The following OSBPL10 variants were observed in gnomAD, a reference collection of about 807,000 sequenced individuals.
OSBPL10 encodes oxysterol binding protein like 10.
In OSBPL10, 49 loss-of-function variants were observed where a neutral mutation model predicts 81.7. The ratio of observed to expected loss-of-function variants is 0.60; its 90% CI spans 0.48 to 0.76. The LOEUF (loss-of-function observed/expected upper bound fraction) is 0.76. OSBPL10 is among the 30% of genes least tolerant of loss of function. OSBPL10 has a pLI of 0.00. For synonymous variants in OSBPL10, 419 were observed against 383.6 expected, an observed-to-expected ratio of 1.09 and a Z score of -1.08; for missense variants, 923 against 987.8, an observed-to-expected ratio of 0.93 and a Z score of 0.88.
intron 10 of OSBPL10, among the ~76,000 whole-genome samples, chr3:31,665,888 C>T (rs1216476144): frequency 2.0e-5 from 3 of 152,054 alleles, no homozygotes; most frequent in Non-Finnish European, 4.4e-5. Context: ...GACAGTGGCC[C>T]CAAGAGTAGA....
At chr3:31,944,316 A>G (rs1351435416) in intron 1 of OSBPL10, among the ~76,000 whole-genome samples, 1 of 151,828 alleles carries the variant, frequency 6.6e-6, no homozygotes, top group African/African-American at 2.4e-5. Flanking sequence ...AAATGTAAAA[A>G]TAAATTAATT....
intron 2 of OSBPL10, among the ~76,000 whole-genome samples, chr3:32,023,114 C>T (rs1356746373): frequency 3.3e-5 from 5 of 152,126 alleles, no homozygotes; most frequent in South Asian, 4.1e-4. Context: ...TCTTGCTTAT[C>T]AAGTTGTTCA....
chr3:31,921,710 C>T (rs572711969), intron 1 of OSBPL10, among the ~76,000 whole-genome samples: 1 of 152,316 alleles, frequency 6.6e-6, no homozygotes, highest in East Asian at 1.9e-4. Flanking sequence ...AGGAGTTTAA[C>T]TCCCTACTCT....
At chr3:31,990,303 TA>T in intron 2 of OSBPL10, 1 of 1,614,128 alleles carries the variant, frequency 6.2e-7, no homozygotes, top group East Asian at 2.2e-5. Flanking sequence ...AAGTCTTCAG[TA>T]ATGCTACAAC....
intron 1 of OSBPL10, among the ~76,000 whole-genome samples, chr3:31,949,640 C>T (rs573677562): frequency 8.1e-6 from 1 of 122,890 alleles, no homozygotes; most frequent in Non-Finnish European, 1.6e-5. Flanking sequence ...TGCACTCCAG[C>T]CTGGGCAACA....
At chr3:32,010,645 T>C (rs947463137) in intron 2 of OSBPL10, among the ~76,000 whole-genome samples, 3 of 152,138 alleles carry the variant, frequency 2.0e-5, no homozygotes, top group African/African-American at 7.2e-5. Context: ...GGGCGAGGCA[T>C]CACTTCACCC....
chr3:31,963,376 C>G (rs190272398), intron 1 of OSBPL10, among the ~76,000 whole-genome samples: 1 of 152,258 alleles, frequency 6.6e-6, no homozygotes, highest in Middle Eastern at 3.4e-3. Flanking sequence ...TTTCCAAGAA[C>G]AAGGACATTT....
chr3:31,815,443 T>C (rs1699813334), intron 4 of OSBPL10, among the ~76,000 whole-genome samples: 2 of 152,228 alleles, frequency 1.3e-5, no homozygotes, highest in African/African-American at 4.8e-5. Flanking sequence ...AAGCAAAATA[T>C]GTTACACCTT....
At chr3:31,892,289 G>C (rs1695915195) in intron 1 of OSBPL10, among the ~76,000 whole-genome samples, 1 of 152,158 alleles carries the variant, frequency 6.6e-6, no homozygotes, top group Non-Finnish European at 1.5e-5. Context: ...TTATCAGATG[G>C]GGCTAAAGAC....
chr3:31,859,279 A>G (rs1016434149), intron 3 of OSBPL10, among the ~76,000 whole-genome samples: 1 of 152,258 alleles, frequency 6.6e-6, no homozygotes, highest in African/African-American at 2.4e-5. Flanking sequence ...GTAAAGAGAC[A>G]AACCATGAAA....
chr3:31,807,509 G>A lies in OSBPL10; in HGVS notation c.729+22531C>T, dbSNP rs559421285. ...GGGCATGGCATGGTGGCTCATGCCTGTAATCCTAGCACTTTGGGAGGCCAA... is the reference window on the plus strand; with the variant it reads ...GGGCATGGCATGGTGGCTCATGCCTATAATCCTAGCACTTTGGGAGGCCAA... On this transcript the variant is annotated intron_variant, in intron 4 of 11. Coordinates refer to ENST00000396556, the MANE Select transcript of OSBPL10 (RefSeq NM_017784.5). Among the ~76,000 whole-genome samples the A allele has an allele frequency of 7.4e-3, 1,092 of 148,224 alleles. 7 individuals carry two copies. Among genetic ancestry groups the A allele is most frequent in the Non-Finnish European group, 1.0e-2 (669 of 66,926 alleles).
chr3:31,672,359 G>GGT (rs1553612171), intron 8 of OSBPL10, among the ~76,000 whole-genome samples: 16 of 96,984 alleles, frequency 1.6e-4, no homozygotes, highest in Non-Finnish European at 2.7e-4. Context: ...AATTTGCGGG[G>GGT]GCGGGGGGGG....
intron 1 of OSBPL10, among the ~76,000 whole-genome samples, chr3:31,954,593 G>A (rs977107757): frequency 2.6e-5 from 4 of 152,156 alleles, no homozygotes; most frequent in Non-Finnish European, 4.4e-5. Context: ...TTGGGGGCAG[G>A]GGGAAGGATG....
Position 31,718,438 on chromosome 3 carries a change from A to C in OSBPL10, c.1095+14819T>G, listed in dbSNP as rs796357298. Among the ~76,000 whole-genome samples, 25 of 152,142 alleles carry C rather than the reference A, an allele frequency of 1.6e-4. 2 individuals carry two copies. The highest frequency in any genetic ancestry group is 5.3e-4 in the African/African-American group (22 of 41,532). On this transcript the variant is annotated intron_variant, in intron 6 of 11. Coordinates refer to ENST00000396556, the MANE Select transcript of OSBPL10 (RefSeq NM_017784.5). The stretch of plus-strand genomic sequence containing the variant: ...CACCATGCCCAGCCCCAGAATTTCC[A>C]TTTCTGTAGCATAAAATAACACCAT...
At chr3:31,792,411 C>T (rs1416981460) in intron 4 of OSBPL10, among the ~76,000 whole-genome samples, 1 of 152,034 alleles carries the variant, frequency 6.6e-6, no homozygotes, top group African/African-American at 2.4e-5. Flanking sequence ...TCTCAAACAC[C>T]CCATTTTAAA....
At chr3:31,921,783 A>G (rs1696923539) in intron 1 of OSBPL10, among the ~76,000 whole-genome samples, 1 of 152,212 alleles carries the variant, frequency 6.6e-6, no homozygotes, top group African/African-American at 2.4e-5. Flanking sequence ...AGGACAGGAG[A>G]GGAGAGAAAC....
At chr3:31,889,421 G>A (rs886153285) in intron 1 of OSBPL10, among the ~76,000 whole-genome samples, 34 of 152,140 alleles carry the variant, frequency 2.2e-4, no homozygotes, top group African/African-American at 7.5e-4. Flanking sequence ...ACAGATGAAC[G>A]GATAAAGAAA....
At chr3:31,723,849 T>C (rs1696730719) in intron 6 of OSBPL10, among the ~76,000 whole-genome samples, 1 of 152,148 alleles carries the variant, frequency 6.6e-6, no homozygotes, top group Non-Finnish European at 1.5e-5. Flanking sequence ...GCGAGCATCA[T>C]CAGGGCCAGA....
At chr3:31,839,551 G>A (rs1183168672) in intron 3 of OSBPL10, among the ~76,000 whole-genome samples, 1 of 151,720 alleles carries the variant, frequency 6.6e-6, no homozygotes, top group African/African-American at 2.4e-5. Context: ...TCCAATTTTA[G>A]GTAGGTGGCC....
Sources: allele counts gnomAD v4.1 joint callset (sites outside exome capture counted in the v4.1 genomes callset), GRCh38; gene constraint gnomAD v4.1.1; transcripts MANE v1.5; gene names NCBI Gene and HGNC (gene_info 2026-07-23, HGNC 2026-07-21).